Variants in POLR1A observed in about 807,000 individuals in gnomAD.
The protein encoded by POLR1A is DNA-directed RNA polymerase I subunit RPA1.
A neutral mutation model predicts 205.3 loss-of-function variants in POLR1A; 84 were observed. The observed-to-expected ratio is 0.41, with a 90% CI of 0.34 to 0.49. The LOEUF (loss-of-function observed/expected upper bound fraction) is 0.49, where lower values mean the gene tolerates loss of function less well. Ranked by LOEUF, POLR1A falls within the 20% of genes least tolerant of loss-of-function variation. The pLI is 0.22. For synonymous variants in POLR1A, 799 were observed against 863.7 expected, an observed-to-expected ratio of 0.93 and a Z score of 1.31; for missense variants, 1,645 against 2,204.5, an observed-to-expected ratio of 0.75 and a Z score of 5.08.
chr2:86,100,829 C>T (rs536152054), intron 1 of POLR1A, among the ~76,000 whole-genome samples: 1 of 152,292 alleles, frequency 6.6e-6, no homozygotes, highest in South Asian at 2.1e-4. Context: ...GAGTAAGCCA[C>T]CATGCCTGGC....
At chr2:86,067,781 T>C (rs557426854) in intron 13 of POLR1A, among the ~76,000 whole-genome samples, 1 of 152,356 alleles carries the variant, frequency 6.6e-6, no homozygotes, top group African/African-American at 2.4e-5. Flanking sequence ...TGTTGCATTT[T>C]TATAACCATT....
chr2:86,052,732 C>A, intron 16 of POLR1A, 85 bp downstream of exon 16: 7 of 1,122,066 alleles, frequency 6.2e-6, no homozygotes, highest in Non-Finnish European at 8.6e-6. Flanking sequence ...TCAGTGTGGA[C>A]GGCTCTCTCT....
In POLR1A at chr2:86,051,824, C is replaced by T. The variant is rs3770085; in HGVS notation, c.2392+993G>A. ...CAAGGTGAAGCCTCTTTATCAAAGC[C>T]ATTTTCCTAAAACAGCGTGCACTCA... On this transcript the variant is annotated intron_variant, in intron 16 of 33. Transcript: ENST00000263857. 6.4e-3 allele frequency among the ~76,000 whole-genome samples: 976 copies of T among 152,356 alleles called. 25 individuals carry two copies. The East Asian group carries it at 0.098, about 15-fold the overall frequency.
In POLR1A at chr2:86,052,897, C is replaced by T; in HGVS notation, c.2312G>A (p.Gly771Asp). The part of the protein sequence containing the change: ...LVHCCYEIYG[G>D]ETSGKVLTCL... ...GGTTAGAACCTTGCCGCTGGTCTCG[C>T]CTCCATAGATCTCATAGCAGCAGTG... Residue 771 changes from glycine (G) to aspartate (D), a missense_variant, in exon 16 of 34, where the codon GGC becomes GAC. Physicochemically the swap from Gly to Asp is moderately conservative, Grantham distance 94. Coordinates refer to ENST00000263857, the MANE Select transcript of POLR1A (RefSeq NM_015425.6). 6.2e-7 allele frequency: 1 copy of T among 1,608,414 alleles called. No individual in the cohort carries two copies. Among genetic ancestry groups the T allele is most frequent in the Non-Finnish European group, 8.5e-7 (1 of 1,177,282 alleles).
chr2:86,076,859 G>A (rs931726794), intron 11 of POLR1A, among the ~76,000 whole-genome samples: 5 of 152,138 alleles, frequency 3.3e-5, no homozygotes, highest in African/African-American at 4.8e-5. Context: ...ATGTCTCCTC[G>A]GGACCTCAGA....
rs756084771 is a variant in POLR1A, at chr2:86,054,155, C to T, written c.2193G>A (p.Ser731=). 141 of 1,613,816 alleles carry T rather than the reference C, an allele frequency of 8.7e-5. No individual in the cohort carries two copies. The highest frequency in any genetic ancestry group is 1.1e-4 in the Non-Finnish European group (135 of 1,179,836). The part of the protein sequence containing the change: ...PRSVPGFNPD[S]MCESQVIIRE... ...ACAGCCATACCTGGGACTCGCACAT[C>T]GAGTCAGGGTTAAAGCCAGGAACGG... Residue 731 remains serine (S), a synonymous_variant, in exon 15 of 34, where the codon TCG becomes TCA. Transcript: ENST00000263857.
intron 23 of POLR1A, among the ~76,000 whole-genome samples, chr2:86,042,634 T>C (rs2104390114): frequency 6.6e-6 from 1 of 152,336 alleles, no homozygotes; most frequent in East Asian, 1.9e-4. Context: ...GTATTTATCC[T>C]CAACCCCCCT....
chr2:86,087,211 G>A (rs1258135851), intron 6 of POLR1A, among the ~76,000 whole-genome samples: 1 of 152,130 alleles, frequency 6.6e-6, no homozygotes, highest in Non-Finnish European at 1.5e-5. Flanking sequence ...CTTCTATTAA[G>A]TCTAAAAATT....
At chr2:86,067,620 C>T (rs1017061956) in intron 13 of POLR1A, among the ~76,000 whole-genome samples, 1 of 151,928 alleles carries the variant, frequency 6.6e-6, no homozygotes, top group African/African-American at 2.4e-5. Flanking sequence ...AGGAAGATAA[C>T]CTGGTAATAG....
chr2:86,101,283 G>A (rs941428095), intron 1 of POLR1A, among the ~76,000 whole-genome samples: 5 of 152,130 alleles, frequency 3.3e-5, no homozygotes, highest in Non-Finnish European at 7.3e-5. Context: ...CCCTAATGAT[G>A]TAAACACTCC....
intron 14 of POLR1A, among the ~76,000 whole-genome samples, chr2:86,060,939 T>C (rs1220635527): frequency 6.6e-6 from 1 of 152,114 alleles, no homozygotes; most frequent in Non-Finnish European, 1.5e-5. Context: ...AAATTATAGT[T>C]TAAAAACCTC....
At chr2:86,044,949 G>A (rs951220416) in intron 21 of POLR1A, among the ~76,000 whole-genome samples, 2 of 152,120 alleles carry the variant, frequency 1.3e-5, no homozygotes, top group Admixed American at 6.5e-5. Context: ...AGAGCTCAAT[G>A]TTAGTCACTA....
intron 6 of POLR1A, among the ~76,000 whole-genome samples, chr2:86,085,954 T>A (rs1420913527): frequency 6.6e-6 from 1 of 152,316 alleles, no homozygotes; most frequent in East Asian, 1.9e-4. Context: ...GGGGGGCACA[T>A]GGAGCACAGG....
rs200112807 is a variant in POLR1A, at chr2:86,040,574, G to C, written c.3573-15C>G. On this transcript the variant is annotated splice_polypyrimidine_tract_variant and intron_variant, in intron 24 of 33. Transcript: ENST00000263857. ...AGGTCCTCAACCTAGAGACGGTGGT[G>C]GGGGGTCAGGGTGGGGGTTGTGGCA... 1.6e-5 allele frequency: 24 copies of C among 1,528,280 alleles called. No homozygotes were observed. Among genetic ancestry groups the C allele is most frequent in the Admixed American group, 1.5e-4 (8 of 52,342 alleles). 94.7% of individuals were successfully genotyped at this position (1,528,280 alleles called of 1,614,324 possible). A position where few individuals can be genotyped will look rare whatever the true frequency, so the allele number is the denominator to read the frequency against.
intron 14 of POLR1A, among the ~76,000 whole-genome samples, chr2:86,064,902 C>T (rs976924726): frequency 4.6e-5 from 7 of 151,958 alleles, no homozygotes; most frequent in African/African-American, 1.5e-4. Context: ...CTCAGCCTCC[C>T]GGTAGCTGAG....
rs1271367517 is a variant in POLR1A at position 86,081,603 on chromosome 2, T to C, written c.921A>G (p.Ser307=). 6.3e-7 allele frequency: 1 copy of C among 1,580,360 alleles called. No homozygotes were observed. Among genetic ancestry groups the C allele is most frequent in the Non-Finnish European group, 8.6e-7 (1 of 1,156,120 alleles). ...FFLDFLVVPP[S]RYRPVSRLGD... is the part of the protein sequence containing the mutation. Reference sequence around the variant, plus strand: ...ATAAGTTAATTAAAGGGTATTACCTTGAGGGCGGCACCACCAAGAAATCTA... The same window carrying C: ...ATAAGTTAATTAAAGGGTATTACCTCGAGGGCGGCACCACCAAGAAATCTA... The change falls in exon 8 of 34, where the codon TCA becomes TCG. Residue 307 remains serine (S), a splice_region_variant and synonymous_variant. Coordinates refer to ENST00000263857, the MANE Select transcript of POLR1A (RefSeq NM_015425.6).
chr2:86,038,943 T>A, intron 26 of POLR1A, 86 bp from the exon 27 acceptor site: 2 of 1,256,374 alleles, frequency 1.6e-6, no homozygotes, highest in Non-Finnish European at 2.3e-6. Context: ...CCCAAGGGTT[T>A]ACAGAGATAG....
chr2:86,044,229 C>T lies in POLR1A; in HGVS notation c.3045G>A (p.Val1015=), dbSNP rs1314849540. The part of the protein sequence containing the change: ...LTVRDSDGSV[V]QFLYGEDGLD... Reference sequence around the variant, plus strand: ...GGCCATCCTCCCCATACAGGAACTGCACCACACTGCCGTCACTGTCACGGA... The same window carrying T: ...GGCCATCCTCCCCATACAGGAACTGTACCACACTGCCGTCACTGTCACGGA... Residue 1015 remains valine (V), a synonymous_variant, in exon 22 of 34, where the codon GTG becomes GTA. Transcript: ENST00000263857. The T allele has an allele frequency of 2.9e-5, 47 of 1,614,074 alleles. No homozygotes were observed. The highest frequency in any genetic ancestry group is 3.9e-5 in the Non-Finnish European group (46 of 1,180,028).
chr2:86,041,390 C>CTG (rs141600019), intron 24 of POLR1A, among the ~76,000 whole-genome samples: 1,565 of 124,698 alleles, frequency 0.013, 39 homozygotes, highest in African/African-American at 0.034. Context: ...GCTACAGTGT[C>CTG]TGTGTGTGTG....
Sources: gnomAD v4.1 joint callset for allele counts (sites outside exome capture counted in the v4.1 genomes callset) on GRCh38, gnomAD v4.1.1 for gene constraint, MANE v1.5 for transcripts, NCBI Gene and HGNC (gene_info 2026-07-23, HGNC 2026-07-21) for gene names.